TMEM163: variants seen among roughly 807,000 people sequenced by gnomAD.
TMEM163 encodes the protein transmembrane protein 163.
In TMEM163, 17 loss-of-function variants were observed where a neutral mutation model predicts 29.3. The ratio of observed to expected loss-of-function variants is 0.58; its 90% CI spans 0.40 to 0.87. TMEM163 has a LOEUF of 0.87. Ranked by LOEUF, TMEM163 falls within the 40% of genes least tolerant of loss-of-function variation. The pLI, the probability that TMEM163 is intolerant of heterozygous loss-of-function variation, is 0.00. For synonymous variants in TMEM163, 157 were observed against 160.6 expected (o/e 0.98, Z 0.17); for missense variants, 303 against 381.5 (o/e 0.79, Z 1.71).
intron 2 of TMEM163, among the ~76,000 whole-genome samples, chr2:134,611,966 C>T (rs1574280193): frequency 1.3e-5 from 2 of 152,336 alleles, no homozygotes. Flanking sequence ...ATTCCCATCC[C>T]CTTCCTCCCA....
chr2:134,710,617 G>A (rs544546037), intron 2 of TMEM163, among the ~76,000 whole-genome samples: 1 of 149,380 alleles, frequency 6.7e-6, no homozygotes, highest in Non-Finnish European at 1.5e-5. Context: ...CATTTTCCAA[G>A]AAATATTGTC....
intron 2 of TMEM163, among the ~76,000 whole-genome samples, chr2:134,656,676 C>G (rs1484363037): frequency 6.6e-6 from 1 of 152,156 alleles, no homozygotes. Flanking sequence ...TGTTCCAGTT[C>G]TCAAGGGGAA....
intron 5 of TMEM163, among the ~76,000 whole-genome samples, chr2:134,471,922 C>T (rs1686810837): frequency 6.6e-6 from 1 of 152,230 alleles, no homozygotes; most frequent in South Asian, 2.1e-4. Context: ...TCTCATGTCC[C>T]TCAACAGTGG....
chr2:134,594,577 C>T (rs916256313), intron 2 of TMEM163, among the ~76,000 whole-genome samples: 1 of 152,204 alleles, frequency 6.6e-6, no homozygotes, highest in South Asian at 2.1e-4. Context: ...GCACAAAAAG[C>T]GACTCTCCAG....
At chr2:134,556,820 CA>C (rs1158050080) in intron 2 of TMEM163, among the ~76,000 whole-genome samples, 1 of 152,064 alleles carries the variant, frequency 6.6e-6, no homozygotes, top group Non-Finnish European at 1.5e-5. Context: ...GATCCTGTCT[CA>C]AAATATTTTT....
intron 2 of TMEM163, among the ~76,000 whole-genome samples, chr2:134,631,250 C>A (rs1463607534): frequency 6.6e-6 from 1 of 152,194 alleles, no homozygotes; most frequent in East Asian, 1.9e-4. Context: ...TAGATAAGCA[C>A]AGCTTGTTAA....
chr2:134,577,145 G>A (rs747795499), intron 2 of TMEM163, among the ~76,000 whole-genome samples: 7 of 152,158 alleles, frequency 4.6e-5, no homozygotes, highest in South Asian at 2.1e-4. Flanking sequence ...TACCTGCCAT[G>A]TTTTGAGCCT....
At chr2:134,594,257 A>G (rs1178146763) in intron 2 of TMEM163, among the ~76,000 whole-genome samples, 2 of 149,232 alleles carry the variant, frequency 1.3e-5, no homozygotes, top group Non-Finnish European at 3.0e-5. Flanking sequence ...AGGGGGAGAA[A>G]GAGAGAAGCG....
chr2:134,545,566 C>T (rs992334840), intron 4 of TMEM163, among the ~76,000 whole-genome samples: 3 of 152,070 alleles, frequency 2.0e-5, no homozygotes, highest in African/African-American at 4.8e-5. Context: ...ACCTCCTGGC[C>T]CCTTCCCTGC....
intron 4 of TMEM163, among the ~76,000 whole-genome samples, chr2:134,535,948 CTT>C (rs1680532406): frequency 6.6e-6 from 1 of 152,150 alleles, no homozygotes; most frequent in African/African-American, 2.4e-5. Context: ...ATCTCGAACT[CTT>C]GACCTCCAGT....
intron 2 of TMEM163, among the ~76,000 whole-genome samples, chr2:134,594,835 A>G (rs1682027118): frequency 1.4e-5 from 2 of 147,950 alleles, no homozygotes; most frequent in East Asian, 3.9e-4. Flanking sequence ...TGCTACATGG[A>G]CTCAAGAGAC....
intron 2 of TMEM163, among the ~76,000 whole-genome samples, chr2:134,705,480 T>C (rs966121854): frequency 2.0e-5 from 3 of 152,072 alleles, no homozygotes; most frequent in South Asian, 4.1e-4. Flanking sequence ...TGCTGACATA[T>C]TGATCTTGGA....
At chr2:134,689,023 T>C (rs1369127072) in intron 2 of TMEM163, among the ~76,000 whole-genome samples, 1 of 152,198 alleles carries the variant, frequency 6.6e-6, no homozygotes, top group Non-Finnish European at 1.5e-5. Flanking sequence ...ATTTTGGATA[T>C]ACTGGGATAA....
chr2:134,475,442 A>G (rs616936), intron 5 of TMEM163, among the ~76,000 whole-genome samples: 65,862 of 151,926 alleles, frequency 0.43, 16,225 homozygotes, highest in East Asian at 0.82. Flanking sequence ...GTTAGGCAAA[A>G]TATTTCCTAT....
At chr2:134,467,946 A>T (rs774163239) in intron 5 of TMEM163, 1 of 152,136 alleles carries the variant, frequency 6.6e-6, no homozygotes, top group Non-Finnish European at 1.5e-5. Flanking sequence ...TCCTCAAATG[A>T]CCAGTAAGGA....
At chr2:134,718,573 G>T (rs1200050352) in intron 1 of TMEM163, among the ~76,000 whole-genome samples, 161 bp downstream of exon 1, 1 of 152,120 alleles carries the variant, frequency 6.6e-6, no homozygotes, top group Non-Finnish European at 1.5e-5. Context: ...AGAAGGTGGG[G>T]CTGCCGCTCT....
At position 134,713,192 on chromosome 2, in the gene TMEM163, A is replaced by G. The variant is rs373471063; in HGVS notation, c.322+8T>C. ...CACATATTGGCCGACGAGACCCTTG[A>G]TACTCACTAAAGGCAGCCACCGCGA... On this transcript the variant is annotated splice_region_variant and intron_variant, in intron 2 of 7. Transcript: ENST00000281924. 8.5e-5 allele frequency: 137 copies of G among 1,613,592 alleles called. 2 individuals are homozygous for G. In the African/African-American group the frequency reaches 1.4e-3, roughly 17 times the overall value.
intron 2 of TMEM163, among the ~76,000 whole-genome samples, chr2:134,699,724 A>G (rs1684656119): frequency 1.3e-5 from 2 of 152,036 alleles, no homozygotes; most frequent in African/African-American, 4.8e-5. Flanking sequence ...AAAGTCTACC[A>G]CTGTAATTAT....
intron 2 of TMEM163, among the ~76,000 whole-genome samples, chr2:134,582,317 T>G (rs1196566054): frequency 6.6e-6 from 1 of 152,170 alleles, no homozygotes; most frequent in East Asian, 1.9e-4. Context: ...GTATGGTAGG[T>G]GCACCTAATA....
Sources: allele counts gnomAD v4.1 joint callset (sites outside exome capture counted in the v4.1 genomes callset), GRCh38; gene constraint gnomAD v4.1.1; transcripts MANE v1.5; gene names NCBI Gene and HGNC (gene_info 2026-07-23, HGNC 2026-07-21).